Variants in CNBD1 observed in about 807,000 individuals in gnomAD.
The protein encoded by CNBD1 is cyclic nucleotide binding domain containing 1, also known as cyclic nucleotide-binding domain-containing protein 1.
A neutral mutation model predicts 54.4 loss-of-function variants in CNBD1; 71 were observed. The ratio of observed to expected loss-of-function variants is 1.30; its 90% CI spans 1.08 to 1.59. CNBD1 has a LOEUF of 1.59. Among genes scored for constraint, CNBD1 ranks in the 40% most tolerant of loss-of-function variants. The probability of loss-of-function intolerance (pLI) is 0.00; values close to 1 mark genes in which losing one functional copy is unlikely to be tolerated. For missense variants in CNBD1, 659 were observed against 518.0 expected (o/e 1.27, Z -2.64); for synonymous variants, 182 against 170.7 (o/e 1.07, Z -0.51).
chr8:87,329,686 T>A (rs1809775314), intron 8 of CNBD1, among the ~76,000 whole-genome samples: 3 of 152,086 alleles, frequency 2.0e-5, no homozygotes. Context: ...TGTTTTTAAT[T>A]TGAAATTCCA....
intron 8 of CNBD1, among the ~76,000 whole-genome samples, chr8:87,319,279 G>A (rs1809469035): frequency 6.6e-6 from 1 of 152,102 alleles, no homozygotes; most frequent in African/African-American, 2.4e-5. Context: ...TGATGTGGAA[G>A]TAGAACTGGC....
At chr8:87,414,493 G>A (rs1422534489) in intron 2 of CNBD1, among the ~76,000 whole-genome samples, 1 of 151,982 alleles carries the variant, frequency 6.6e-6, no homozygotes, top group Non-Finnish European at 1.5e-5. Context: ...TGCACATTGT[G>A]CACATGTACC....
intron 5 of CNBD1, among the ~76,000 whole-genome samples, chr8:87,235,605 G>C (rs1226643967): frequency 6.6e-6 from 1 of 152,078 alleles, no homozygotes; most frequent in South Asian, 2.1e-4. Context: ...TATGTGCATA[G>C]TTTGCGGTGC....
At chr8:86,878,782 T>A (rs540040792) in intron 1 of CNBD1, among the ~76,000 whole-genome samples, 3 of 152,314 alleles carry the variant, frequency 2.0e-5, no homozygotes, top group Admixed American at 6.5e-5. Flanking sequence ...CCAGTATGCA[T>A]TTTCTCTTGT....
downstream of CNBD1, among the ~76,000 whole-genome samples, chr8:87,384,722 CATGGGTCCAATAAT>C (rs1296790573): frequency 6.6e-6 from 1 of 152,072 alleles, no homozygotes; most frequent in Non-Finnish European, 1.5e-5. Flanking sequence ...GGTATAAGAT[CATGGGTCCAATAAT>C]ATGACATTAT....
At chr8:87,325,654 T>C (rs1413533018) in intron 8 of CNBD1, among the ~76,000 whole-genome samples, 1 of 137,566 alleles carries the variant, frequency 7.3e-6, no homozygotes, top group Non-Finnish European at 1.6e-5. Flanking sequence ...TCCATTTGCT[T>C]GGTAGATCTT....
chr8:86,967,081 C>G (rs1808096715), intron 4 of CNBD1, among the ~76,000 whole-genome samples: 1 of 152,180 alleles, frequency 6.6e-6, no homozygotes, highest in South Asian at 2.1e-4. Context: ...CAAGTCCCCA[C>G]CTGACCCAGA....
At chr8:87,174,994 A>G (rs2130772051) in intron 4 of CNBD1, among the ~76,000 whole-genome samples, 1 of 152,310 alleles carries the variant, frequency 6.6e-6, no homozygotes, top group South Asian at 2.1e-4. Context: ...TGTGGCCACT[A>G]ACACTAGGAT....
chr8:87,413,496 G>A (rs1461306084), intron 2 of CNBD1, among the ~76,000 whole-genome samples: 1 of 151,884 alleles, frequency 6.6e-6, no homozygotes, highest in Non-Finnish European at 1.5e-5. Flanking sequence ...GCCACTGAAG[G>A]CAAAAATGCT....
intron 4 of CNBD1, among the ~76,000 whole-genome samples, chr8:87,158,311 A>T (rs1812787397): frequency 6.6e-6 from 1 of 152,188 alleles, no homozygotes; most frequent in African/African-American, 2.4e-5. Context: ...GAGAAGATTA[A>T]GTGAGTTACT....
intron 5 of CNBD1, among the ~76,000 whole-genome samples, chr8:87,220,911 C>T (rs968227239): frequency 2.6e-5 from 4 of 152,030 alleles, no homozygotes; most frequent in Admixed American, 1.3e-4. Context: ...CCCAGTGTTA[C>T]ATGAGAATGC....
At chr8:87,152,336 G>A (rs1243264328) in intron 4 of CNBD1, among the ~76,000 whole-genome samples, 1 of 151,438 alleles carries the variant, frequency 6.6e-6, no homozygotes, top group African/African-American at 2.4e-5. Flanking sequence ...TCACACTTCT[G>A]TAACAGGGGT....
At chr8:87,090,805 T>C (rs1811189210) in intron 4 of CNBD1, among the ~76,000 whole-genome samples, 1 of 152,160 alleles carries the variant, frequency 6.6e-6, no homozygotes, top group South Asian at 2.1e-4. Context: ...ATTTAAATGA[T>C]AGCTTATGAC....
At chr8:87,024,248 GAAA>G (rs747783329) in intron 4 of CNBD1, among the ~76,000 whole-genome samples, 3,459 of 115,856 alleles carry the variant, frequency 0.03, 142 homozygotes, top group African/African-American at 0.098. Flanking sequence ...CAAAAAAAAA[GAAA>G]AAAAAAAAAA....
At chr8:87,380,990 C>T (rs1191682613) in intron 10 of CNBD1, among the ~76,000 whole-genome samples, 1 of 151,956 alleles carries the variant, frequency 6.6e-6, no homozygotes, top group Non-Finnish European at 1.5e-5. Context: ...TTGGCAATGA[C>T]TTCATGGATG....
intron 10 of CNBD1, among the ~76,000 whole-genome samples, chr8:87,374,891 G>T (rs866582786): frequency 5.3e-5 from 8 of 151,996 alleles, no homozygotes; most frequent in South Asian, 2.1e-4. Flanking sequence ...AAGCAACCAA[G>T]ATTTTAGTTT....
intron 6 of CNBD1, among the ~76,000 whole-genome samples, chr8:87,258,427 C>CT (rs1307496597): frequency 5.1e-5 from 4 of 78,632 alleles, no homozygotes; most frequent in East Asian, 2.7e-4. Flanking sequence ...TTTTTTATTT[C>CT]TTTTTTTTCT....
At chr8:87,308,042 C>A (rs373305828) in intron 8 of CNBD1, among the ~76,000 whole-genome samples, 2 of 152,042 alleles carry the variant, frequency 1.3e-5, no homozygotes, top group Non-Finnish European at 2.9e-5. Flanking sequence ...CATGTTATGG[C>A]AAAAGTAGCT....
At chr8:87,077,126 AT>A (rs1810888619) in intron 4 of CNBD1, among the ~76,000 whole-genome samples, 1 of 152,192 alleles carries the variant, frequency 6.6e-6, no homozygotes, top group Admixed American at 6.5e-5. Flanking sequence ...AAGGAAGGAT[AT>A]TTTTGAGGCC....
Sources: allele counts gnomAD v4.1 joint callset (sites outside exome capture counted in the v4.1 genomes callset), GRCh38; gene constraint gnomAD v4.1.1; transcripts MANE v1.5; gene names NCBI Gene and HGNC (gene_info 2026-07-23, HGNC 2026-07-21).